VTI1A: variants seen among roughly 807,000 people sequenced by gnomAD.
The protein encoded by VTI1A is vesicle transport through interaction with t-SNAREs homolog 1A.
A neutral mutation model predicts 34.9 loss-of-function variants in VTI1A; 22 were observed. The ratio of observed to expected loss-of-function variants is 0.63; its 90% CI spans 0.45 to 0.90. VTI1A has a LOEUF of 0.90. Ranked by LOEUF, VTI1A falls within the 40% of genes least tolerant of loss-of-function variation. The pLI, the probability that VTI1A is intolerant of heterozygous loss-of-function variation, is 0.00. For synonymous variants in VTI1A, 87 were observed against 97.3 expected (o/e 0.89, Z 0.62); for missense variants, 268 against 275.6 (o/e 0.97, Z 0.20).
chr10:112,760,068 T>G (rs915844339), intron 7 of VTI1A, among the ~76,000 whole-genome samples: 1 of 152,080 alleles, frequency 6.6e-6, no homozygotes, highest in Non-Finnish European at 1.5e-5. Flanking sequence ...AGGGAAGATA[T>G]AAACACAGAA....
chr10:112,672,667 T>G (rs890810598), intron 7 of VTI1A: 1 of 152,176 alleles, frequency 6.6e-6, no homozygotes, highest in African/African-American at 2.4e-5. Context: ...CTAGGAGACT[T>G]AAATGTCTCT....
rs747817246 is a variant in VTI1A, at chr10:112,620,466, G to A, written c.428-47752G>A. ...CAGATTCAAGTGGGGAGAACTGGTA[G>A]GACTTGTGGCGGGGGCCAGTTTTTA... On this transcript the variant is annotated intron_variant, in intron 5 of 7. Coordinates refer to ENST00000393077, the MANE Select transcript of VTI1A (RefSeq NM_145206.4). Among the ~76,000 whole-genome samples the A allele has an allele frequency of 4.6e-5, 7 of 152,270 alleles. No individual in the cohort carries two copies. The East Asian group carries it at 1.4e-3, about 29-fold the overall frequency.
At chr10:112,448,671 A>C (rs989812028) in intron 1 of VTI1A, among the ~76,000 whole-genome samples, 2 of 152,220 alleles carry the variant, frequency 1.3e-5, no homozygotes, top group African/African-American at 4.8e-5. Context: ...TCCAGGATAT[A>C]AAGTGTAGAA....
chr10:112,502,347 A>G (rs375010745), intron 3 of VTI1A, among the ~76,000 whole-genome samples: 38 of 152,128 alleles, frequency 2.5e-4, no homozygotes, highest in African/African-American at 8.4e-4. Flanking sequence ...TACTCATTTT[A>G]AATCTACTAT....
rs147912509 is a variant in VTI1A, at chr10:112,605,051, C to T, written c.428-63167C>T. 5.0e-4 allele frequency among the ~76,000 whole-genome samples: 76 copies of T among 152,134 alleles called. No homozygotes were observed. The East Asian group carries it at 0.014, about 28-fold the overall frequency. ...TTCGGTATACATTATAACCTTTTTCCCCACAGAGAGGTTATTTTTAGTTTC... is the reference window on the plus strand; with the variant it reads ...TTCGGTATACATTATAACCTTTTTCTCCACAGAGAGGTTATTTTTAGTTTC... On this transcript the variant is annotated intron_variant, in intron 5 of 7. Transcript: ENST00000393077.
intron 5 of VTI1A, among the ~76,000 whole-genome samples, chr10:112,611,295 C>G (rs941010175): frequency 6.6e-6 from 1 of 152,186 alleles, no homozygotes; most frequent in African/African-American, 2.4e-5. Flanking sequence ...GAGCTTGATT[C>G]TCTACTCTTT....
At chr10:112,633,728 G>T (rs1846232094) in intron 5 of VTI1A, among the ~76,000 whole-genome samples, 1 of 152,040 alleles carries the variant, frequency 6.6e-6, no homozygotes, top group Non-Finnish European at 1.5e-5. Context: ...TTTATTAAAT[G>T]CCTCTCCTAT....
chr10:112,775,202 G>A (rs1032982804), intron 7 of VTI1A, among the ~76,000 whole-genome samples: 2 of 152,156 alleles, frequency 1.3e-5, no homozygotes, highest in Non-Finnish European at 2.9e-5. Context: ...TTCTATACCA[G>A]CATGGATAGA....
chr10:112,555,918 A>C (rs1048492102), intron 5 of VTI1A, among the ~76,000 whole-genome samples: 3 of 152,026 alleles, frequency 2.0e-5, no homozygotes, highest in African/African-American at 7.2e-5. Flanking sequence ...GATTCATACT[A>C]TACAGAAAAG....
At chr10:112,790,896 T>C (rs542692805) in intron 7 of VTI1A, among the ~76,000 whole-genome samples, 1 of 152,238 alleles carries the variant, frequency 6.6e-6, no homozygotes, top group South Asian at 2.1e-4. Flanking sequence ...TAGAAAGTGT[T>C]TAGGATACCC....
At chr10:112,636,549 C>A (rs1002418389) in intron 5 of VTI1A, among the ~76,000 whole-genome samples, 3 of 151,760 alleles carry the variant, frequency 2.0e-5, no homozygotes, top group Non-Finnish European at 4.4e-5. Context: ...CATGGTGAAA[C>A]CCCGTCTCTA....
chr10:112,460,429 G>T, intron 1 of VTI1A, 95 bp from the exon 2 acceptor site: 1 of 1,101,502 alleles, frequency 9.1e-7, no homozygotes, highest in South Asian at 1.8e-5. Context: ...TAATCTGATT[G>T]ACCAGAAAGG....
At chr10:112,661,532 C>T (rs989320478) in intron 5 of VTI1A, among the ~76,000 whole-genome samples, 6 of 152,176 alleles carry the variant, frequency 3.9e-5, no homozygotes, top group South Asian at 2.1e-4. Flanking sequence ...TTAACATTAC[C>T]TGCAGCTTAG....
intron 7 of VTI1A, among the ~76,000 whole-genome samples, chr10:112,698,295 G>A (rs981399088): frequency 3.3e-5 from 5 of 152,258 alleles, no homozygotes; most frequent in Admixed American, 3.3e-4. Flanking sequence ...ATATGTCACT[G>A]CATCTTCCGA....
the VTI1A span, among the ~76,000 whole-genome samples, chr10:112,844,548 A>G: frequency 6.6e-6 from 1 of 152,110 alleles, no homozygotes; most frequent in Non-Finnish European, 1.5e-5. Context: ...ACAGGTGCCC[A>G]CCACCACGCC....
chr10:112,680,960 T>C (rs775158123), intron 7 of VTI1A, among the ~76,000 whole-genome samples: 1 of 152,180 alleles, frequency 6.6e-6, no homozygotes, highest in South Asian at 2.1e-4. Flanking sequence ...CACAGCTGTG[T>C]TGAGGATACA....
chr10:112,788,054 TA>T (rs1383459253), intron 7 of VTI1A, among the ~76,000 whole-genome samples: 2 of 151,734 alleles, frequency 1.3e-5, no homozygotes, highest in African/African-American at 4.8e-5. Flanking sequence ...TTAGAGAACA[TA>T]TTTTTTATTA....
At chr10:112,775,669 A>G (rs550069996) in intron 7 of VTI1A, among the ~76,000 whole-genome samples, 11 of 152,232 alleles carry the variant, frequency 7.2e-5, no homozygotes, top group Non-Finnish European at 1.2e-4. Context: ...AGAATTATCA[A>G]GGCAGACTGC....
intron 7 of VTI1A, among the ~76,000 whole-genome samples, chr10:112,800,673 G>T (rs144557384): frequency 2.6e-5 from 4 of 152,154 alleles, no homozygotes; most frequent in African/African-American, 9.7e-5. Flanking sequence ...TCTTTGGAGC[G>T]TGCCAATTCC....
Sources: gnomAD v4.1 joint callset for allele counts (sites outside exome capture counted in the v4.1 genomes callset) on GRCh38, gnomAD v4.1.1 for gene constraint, MANE v1.5 for transcripts, NCBI Gene and HGNC (gene_info 2026-07-23, HGNC 2026-07-21) for gene names.